ATRN: variants seen among roughly 807,000 people sequenced by gnomAD.
ATRN encodes the protein attractin-2.
Under a neutral mutation model 178.7 loss-of-function variants are expected in ATRN, and 54 were observed. The observed-to-expected ratio is 0.30, with a 90% CI of 0.24 to 0.38. The LOEUF is 0.38. Among genes scored for constraint, ATRN ranks in the 10% least tolerant of loss-of-function variants. The pLI is 1.00. For synonymous variants in ATRN, 636 were observed against 663.0 expected, an observed-to-expected ratio of 0.96 and a Z score of 0.63; for missense variants, 1,443 against 1,815.1, an observed-to-expected ratio of 0.79 and a Z score of 3.73.
At chr20:3,575,730 A>T in intron 12 of ATRN, 97 bp from the exon 13 acceptor site, 1 of 1,343,276 alleles carries the variant, frequency 7.4e-7, no homozygotes, top group Non-Finnish European at 1.0e-6. Context: ...TCTTCATTTT[A>T]CTTCTTAACC....
chr20:3,625,709 C>G (rs2086932768), intron 25 of ATRN, among the ~76,000 whole-genome samples: 1 of 152,126 alleles, frequency 6.6e-6, no homozygotes, highest in Non-Finnish European at 1.5e-5. Context: ...CTCCTGCCCC[C>G]AAGTGCACTT....
chr20:3,616,999 T>C (rs235527), intron 24 of ATRN, among the ~76,000 whole-genome samples: 120,932 of 152,126 alleles, frequency 0.79, 48,442 homozygotes, highest in East Asian at 1. Flanking sequence ...CAGTTGGAGA[T>C]ACTCCCTAAA....
At chr20:3,616,282 A>C (rs1004442844) in intron 24 of ATRN, among the ~76,000 whole-genome samples, 1 of 152,088 alleles carries the variant, frequency 6.6e-6, no homozygotes, top group Non-Finnish European at 1.5e-5. Flanking sequence ...CCAGGAACCC[A>C]CTAGACTTCC....
At chr20:3,615,569 T>TGAAGGAACACTTCACCACGCCCAGCTAA (rs1568766924) in intron 24 of ATRN, among the ~76,000 whole-genome samples, 11 of 146,070 alleles carry the variant, frequency 7.5e-5, no homozygotes, top group African/African-American at 2.8e-4. Context: ...TTTTTTTTTT[T>TGAAGGAACACTTCACCACGCCCAGCTAA]TTTGGAGACA....
At chr20:3,565,257 T>C in intron 10 of ATRN, 91 bp from the exon 11 acceptor site, 1 of 936,532 alleles carries the variant, frequency 1.1e-6, no homozygotes, top group East Asian at 2.6e-5. Context: ...TATGAGGTTC[T>C]CTTTGTTGTA....
At chr20:3,527,079 T>G (rs949654673) in intron 1 of ATRN, among the ~76,000 whole-genome samples, 3 of 151,922 alleles carry the variant, frequency 2.0e-5, no homozygotes, top group African/African-American at 7.3e-5. Context: ...AATTGACAAA[T>G]GGGATCTAAT....
chr20:3,552,174 C>A (rs1389836845), intron 6 of ATRN, among the ~76,000 whole-genome samples: 2 of 152,102 alleles, frequency 1.3e-5, no homozygotes, highest in Non-Finnish European at 2.9e-5. Flanking sequence ...AGCTGACTGA[C>A]TTCTGAATGA....
At chr20:3,479,588 G>C (rs2084589596) in intron 1 of ATRN, among the ~76,000 whole-genome samples, 2 of 152,180 alleles carry the variant, frequency 1.3e-5, no homozygotes, top group South Asian at 4.1e-4. Context: ...ATCATACTTA[G>C]TGTATTAATT....
At position 3,601,883 on chromosome 20, in the gene ATRN, A is replaced by G. The variant is rs540523484; in HGVS notation, c.3643+859A>G. Among the ~76,000 whole-genome samples the G allele has an allele frequency of 5.4e-3, 824 of 151,746 alleles. 4 individuals are homozygous for G. Among genetic ancestry groups the G allele is most frequent in the Non-Finnish European group, 8.2e-3 (557 of 67,872 alleles). ...CCATCTCTTTAAAAAAAAAAAAAAA[A>G]AAAGAAAAAAGGATAATCACTACTT... is the stretch of plus-strand genomic sequence containing the variant. On this transcript the variant is annotated intron_variant, in intron 23 of 28. Coordinates refer to ENST00000262919, the MANE Select transcript of ATRN (RefSeq NM_139321.3).
At chr20:3,487,283 G>T (rs931102755) in intron 1 of ATRN, among the ~76,000 whole-genome samples, 2 of 152,040 alleles carry the variant, frequency 1.3e-5, no homozygotes, top group African/African-American at 4.8e-5. Flanking sequence ...GCCCAGGCTG[G>T]AGTGCAGTGG....
intron 24 of ATRN, among the ~76,000 whole-genome samples, chr20:3,620,819 A>G (rs115590063): frequency 0.014 from 2,170 of 152,284 alleles, 49 homozygotes; most frequent in African/African-American, 0.049. Context: ...TAGACAGAAG[A>G]ATGCAGGAAT....
chr20:3,623,308 G>T (rs6051980), intron 24 of ATRN, among the ~76,000 whole-genome samples: 2,418 of 152,336 alleles, frequency 0.016, 63 homozygotes, highest in African/African-American at 0.055. Flanking sequence ...TCTGTTTATT[G>T]TATGAAATTG....
chr20:3,479,827 C>T (rs965402262), intron 1 of ATRN, among the ~76,000 whole-genome samples: 6 of 152,156 alleles, frequency 3.9e-5, no homozygotes, highest in African/African-American at 7.2e-5. Context: ...CCTCTGCCTC[C>T]GTCCCTTCAA....
At chr20:3,550,507 A>G (rs1278581569) in intron 6 of ATRN, among the ~76,000 whole-genome samples, 1 of 152,054 alleles carries the variant, frequency 6.6e-6, no homozygotes, top group Admixed American at 6.5e-5. Flanking sequence ...TTAATTTCTG[A>G]TGAGACTCCT....
intron 1 of ATRN, among the ~76,000 whole-genome samples, chr20:3,480,195 A>G (rs901173992): frequency 6.6e-6 from 1 of 152,196 alleles, no homozygotes; most frequent in Admixed American, 6.5e-5. Context: ...ATAAGCCCTC[A>G]GGGCATTCCA....
intron 1 of ATRN, among the ~76,000 whole-genome samples, chr20:3,474,749 C>A (rs993253620): frequency 6.8e-6 from 1 of 146,752 alleles, no homozygotes; most frequent in Non-Finnish European, 1.5e-5. Flanking sequence ...AAATTTTAGT[C>A]GAGGCCAAGC....
intron 1 of ATRN, among the ~76,000 whole-genome samples, chr20:3,506,235 A>G (rs2085042210): frequency 6.6e-6 from 1 of 152,214 alleles, no homozygotes; most frequent in South Asian, 2.1e-4. Context: ...ATCTCTCTGT[A>G]TTGCTCCTTA....
At chr20:3,577,060 A>G in intron 14 of ATRN, 63 bp downstream of exon 14, 2 of 1,584,342 alleles carry the variant, frequency 1.3e-6, no homozygotes, top group Non-Finnish European at 1.7e-6. Context: ...TTCCCCCAAC[A>G]CTGTGCAGCC....
chr20:3,637,619 T>A (rs2087035526), intron 26 of ATRN, among the ~76,000 whole-genome samples: 1 of 152,186 alleles, frequency 6.6e-6, no homozygotes, highest in Non-Finnish European at 1.5e-5. Context: ...AGCTTCAGCA[T>A]CATGCCCAGA....
Sources: allele counts gnomAD v4.1 joint callset (sites outside exome capture counted in the v4.1 genomes callset), GRCh38; gene constraint gnomAD v4.1.1; transcripts MANE v1.5; gene names NCBI Gene and HGNC (gene_info 2026-07-23, HGNC 2026-07-21).